SUGP2: variants seen among roughly 807,000 people sequenced by gnomAD.
The protein encoded by SUGP2 is SURP and G-patch domain-containing protein 2.
Under a neutral mutation model 90.5 loss-of-function variants are expected in SUGP2, and 24 were observed. The ratio of observed to expected loss-of-function variants is 0.27; its 90% CI spans 0.19 to 0.37. The LOEUF (loss-of-function observed/expected upper bound fraction) is 0.37. SUGP2 is among the 10% of genes least tolerant of loss of function. The pLI is 1.00. For missense variants in SUGP2, 1,233 were observed against 1,363.3 expected, an observed-to-expected ratio of 0.90 and a Z score of 1.51; for synonymous variants, 473 against 513.4, an observed-to-expected ratio of 0.92 and a Z score of 1.06.
intron 6 of SUGP2, among the ~76,000 whole-genome samples, chr19:19,006,791 G>A (rs879447457): frequency 2.6e-5 from 4 of 152,174 alleles, no homozygotes; most frequent in South Asian, 2.1e-4. Flanking sequence ...CAGGCTTCCC[G>A]TCTGTAGGTG....
intron 4 of SUGP2, among the ~76,000 whole-genome samples, chr19:19,011,960 T>C (rs1311173623): frequency 6.6e-6 from 1 of 152,204 alleles, no homozygotes; most frequent in Non-Finnish European, 1.5e-5. Flanking sequence ...GGCTTTCAGA[T>C]TGTTTGATAT....
chr19:19,008,327 G>C lies in SUGP2; in HGVS notation c.2440C>G (p.Pro814Ala), dbSNP rs1268519891. 24 of 1,613,762 alleles carry C rather than the reference G, an allele frequency of 1.5e-5. No individual in the cohort carries two copies. Among genetic ancestry groups the C allele is most frequent in the Non-Finnish European group, 1.8e-5 (21 of 1,179,774 alleles). Residue 814 changes from proline to alanine, a missense_variant, in exon 6 of 11, where the codon CCT becomes GCT. By Grantham distance (27) the Pro-to-Ala change is conservative (BLOSUM62 -1). Coordinates refer to ENST00000452918, the MANE Select transcript of SUGP2 (RefSeq NM_001017392.5). ...CGGGGGGGTACGTACCACAGGTCAG[G>C]GTTATCGGTGCTGTTTTCTATGCTG... ...QFSIENSTDN[P>A]DLWFLHDQNS...
intron 7 of SUGP2, among the ~76,000 whole-genome samples, chr19:19,002,388 A>G (rs930813765): frequency 4.6e-4 from 70 of 152,166 alleles, no homozygotes; most frequent in Non-Finnish European, 7.1e-4. Context: ...CTCAAAAAAA[A>G]AAAAAGAATT....
At chr19:19,033,239 G>T in intron 1 of SUGP2, 198 bp downstream of exon 1, 1 of 417,686 alleles carries the variant, frequency 2.4e-6, no homozygotes, top group Non-Finnish European at 3.4e-6. Flanking sequence ...CGGCCTCTGC[G>T]GGCGAGGAAA....
intron 2 of SUGP2, among the ~76,000 whole-genome samples, chr19:19,030,024 C>G (rs2059090164): frequency 6.6e-6 from 1 of 152,026 alleles, no homozygotes; most frequent in South Asian, 2.1e-4. Flanking sequence ...ATCCAAGAAC[C>G]TGTCTTGGGG....
rs368302865 is a variant in SUGP2, at chr19:19,008,915, G to C, written c.2339-487C>G. Among the ~76,000 whole-genome samples, 21 of 152,122 alleles carry C rather than the reference G, an allele frequency of 1.4e-4. No individual in the cohort carries two copies. The East Asian group carries it at 3.3e-3, about 24-fold the overall frequency. ...ATACCGGACGCCTCCTGGTTGGTTTGTTTGGTTTTTTTTTGAGATGGAGTC... is the reference window on the plus strand; with the variant it reads ...ATACCGGACGCCTCCTGGTTGGTTTCTTTGGTTTTTTTTTGAGATGGAGTC... On this transcript the variant is annotated intron_variant, in intron 5 of 10. Coordinates refer to ENST00000452918, the MANE Select transcript of SUGP2 (RefSeq NM_001017392.5).
intron 4 of SUGP2, among the ~76,000 whole-genome samples, chr19:19,018,724 TAA>T (rs937268193): frequency 4.8e-5 from 7 of 146,568 alleles, no homozygotes; most frequent in Non-Finnish European, 9.0e-5. Flanking sequence ...TCTATTTACA[TAA>T]AGAGGCAATT....
At chr19:19,012,030 G>C (rs1243433836) in intron 4 of SUGP2, among the ~76,000 whole-genome samples, 2 of 152,172 alleles carry the variant, frequency 1.3e-5, no homozygotes, top group Non-Finnish European at 2.9e-5. Context: ...AAGCCAACTA[G>C]AAGTAAGGTG....
intron 4 of SUGP2, among the ~76,000 whole-genome samples, chr19:19,012,156 C>T (rs2058334664): frequency 6.6e-6 from 1 of 152,222 alleles, no homozygotes; most frequent in African/African-American, 2.4e-5. Context: ...CTGGACCTGA[C>T]AAAACGACTG....
chr19:19,011,553 T>C (rs1401784980), intron 4 of SUGP2, among the ~76,000 whole-genome samples: 1 of 152,228 alleles, frequency 6.6e-6, no homozygotes, highest in Non-Finnish European at 1.5e-5. Flanking sequence ...AAATTGCTTC[T>C]AATTTCAGCT....
At chr19:19,019,023 C>T (rs1462038215) in intron 4 of SUGP2, 86 bp downstream of exon 4, 10 of 1,456,534 alleles carry the variant, frequency 6.9e-6, no homozygotes, top group Non-Finnish European at 9.4e-6. Context: ...GTATCTCACC[C>T]TCTGCTCTCA....
Position 19,010,029 on chromosome 19 carries a change from G to T in SUGP2, c.2164C>A (p.Gln722Lys). 3 of 1,614,166 alleles carry T rather than the reference G, an allele frequency of 1.9e-6. No individual in the cohort carries two copies. Among genetic ancestry groups the T allele is most frequent in the Non-Finnish European group, 2.5e-6 (3 of 1,180,036 alleles). Reference protein sequence around the residue: ...HHGRQAPGLSQAKPSLPDRND... With the variant: ...HHGRQAPGLSKAKPSLPDRND... Reference sequence around the variant, plus strand: ...CTGTCTGGCAGGGATGGTTTTGCCTGTGAGAGGCCTGGAGCCTGCCGGCCG... The same window carrying T: ...CTGTCTGGCAGGGATGGTTTTGCCTTTGAGAGGCCTGGAGCCTGCCGGCCG... Residue 722 changes from glutamine (Q) to lysine (K), a missense_variant, in exon 5 of 11, where the codon CAG (glutamine) becomes AAG (lysine). This residue lies in a region of SUGP2 where 540 missense variants were observed against 542.6 expected (regional missense o/e 1.00). Coordinates refer to ENST00000452918, the MANE Select transcript of SUGP2 (RefSeq NM_001017392.5).
At chr19:19,030,426 G>A (rs144708697) in intron 2 of SUGP2, among the ~76,000 whole-genome samples, 2,467 of 152,130 alleles carry the variant, frequency 0.016, 74 homozygotes, top group African/African-American at 0.057. Flanking sequence ...GGAGGCGGAG[G>A]TTGCAGTGAG....
chr19:19,017,862 C>T (rs776541696), intron 4 of SUGP2, among the ~76,000 whole-genome samples: 4 of 151,684 alleles, frequency 2.6e-5, no homozygotes, highest in Admixed American at 6.6e-5. Flanking sequence ...AGCAGTTTCA[C>T]GCCCAGATAT....
At position 19,020,451 on chromosome 19, in the gene SUGP2, T is replaced by A. The variant is rs1254496202; in HGVS notation, c.1730-1222A>T. The stretch of plus-strand genomic sequence containing the variant: ...TGTCTCAAAAAAAAAAAAAGGCAAA[T>A]TTTTTTTTTTGAGATGGGGTCTCAC... On this transcript the variant is annotated intron_variant, in intron 3 of 10. Coordinates refer to ENST00000452918, the MANE Select transcript of SUGP2 (RefSeq NM_001017392.5). 1.1e-4 allele frequency among the ~76,000 whole-genome samples: 15 copies of A among 141,502 alleles called. 1 individual carries two copies. Among genetic ancestry groups the A allele is most frequent in the Admixed American group, 9.8e-4 (14 of 14,262 alleles). 92.8% of individuals were successfully genotyped at this position (141,502 alleles called of 152,430 possible). A position where few individuals can be genotyped will look rare whatever the true frequency, so the allele number is the denominator to read the frequency against.
intron 4 of SUGP2, among the ~76,000 whole-genome samples, chr19:19,013,431 G>T (rs2058378252): frequency 6.6e-6 from 1 of 152,004 alleles, no homozygotes; most frequent in South Asian, 2.1e-4. Context: ...TCTCTCTATA[G>T]TAGTACGGAA....
intron 8 of SUGP2, among the ~76,000 whole-genome samples, chr19:19,001,208 G>A (rs2057818722): frequency 6.6e-6 from 1 of 151,958 alleles, no homozygotes; most frequent in African/African-American, 2.4e-5. Context: ...GTAGAGACGG[G>A]GTTTCATCGT....
chr19:18,994,504 GAGTC>G lies in SUGP2; in HGVS notation c.3129-22_3129-19del, dbSNP rs751947220. ...GGGTTCCCCTAGGGAGTGAAAAAGA[GAGTC>G]AGTTGTGCACCTGAGCCCAGGGCCT... On this transcript the variant is annotated intron_variant, in intron 9 of 10. Transcript: ENST00000452918. The G allele has an allele frequency of 1.2e-6, 2 of 1,613,318 alleles. No homozygotes were observed. Among genetic ancestry groups the G allele is most frequent in the South Asian group, 1.1e-5 (1 of 90,984 alleles).
rs779949754 is a variant in SUGP2 at position 19,008,360 on chromosome 19, C to T, written c.2407G>A (p.Glu803Lys). 3.7e-6 allele frequency: 6 copies of T among 1,614,040 alleles called. No individual in the cohort carries two copies. Among genetic ancestry groups the T allele is most frequent in the African/African-American group, 1.3e-5 (1 of 74,892 alleles). The change falls in exon 6 of 11, where the codon GAA (glutamate) becomes AAA (lysine). Residue 803 changes from glutamate to lysine, a missense_variant. Around this residue, in one of 8 missense-constraint regions of SUGP2, gnomAD observed 540 missense variants for 542.6 expected, o/e 1.00. Coordinates refer to ENST00000452918, the MANE Select transcript of SUGP2 (RefSeq NM_001017392.5). The stretch of plus-strand genomic sequence containing the variant: ...GTGCTGTTTTCTATGCTGAATTGTT[C>T]GATCTCTGGTCCCACCTGAGCAACA... The part of the protein sequence containing the change: ...RFVAQVGPEI[E>K]QFSIENSTDN...
Sources: allele counts gnomAD v4.1 joint callset (sites outside exome capture counted in the v4.1 genomes callset), GRCh38; gene constraint gnomAD v4.1.1; regional missense constraint gnomAD v4.1.1; transcripts MANE v1.5; gene names NCBI Gene and HGNC (gene_info 2026-07-23, HGNC 2026-07-21).